NUP107: variants seen among roughly 807,000 people sequenced by gnomAD.
NUP107 encodes nucleoporin 107.
NUP107 carries 101 observed loss-of-function variants against 141.0 expected under a neutral mutation model. The ratio of observed to expected loss-of-function variants is 0.72; its 90% CI spans 0.61 to 0.84. The LOEUF is 0.84. NUP107 is among the 40% of genes least tolerant of loss of function. The pLI, the probability that NUP107 is intolerant of heterozygous loss-of-function variation, is 0.00. For missense variants in NUP107, 941 were observed against 1,102.7 expected (o/e 0.85, Z 2.08); for synonymous variants, 319 against 363.9 (o/e 0.88, Z 1.41).
intron 10 of NUP107, among the ~76,000 whole-genome samples, chr12:68,712,621 T>C (rs533001269): frequency 1.3e-5 from 2 of 151,418 alleles, no homozygotes; most frequent in South Asian, 4.1e-4. Flanking sequence ...AAAATAAGTT[T>C]TTTTTTTTGT....
Position 68,735,228 on chromosome 12 carries a change from C to T in NUP107, c.2389-3C>T. The T allele has an allele frequency of 6.3e-7, 1 of 1,591,140 alleles. No homozygotes were observed. Among genetic ancestry groups the T allele is most frequent in the Non-Finnish European group, 8.6e-7 (1 of 1,159,302 alleles). ...ATATGTCTGCCTTGTGTTTGTTTTG[C>T]AGATGGATTTTGGTATTTGGAAAGG... On this transcript the variant is annotated splice_polypyrimidine_tract_variant and splice_region_variant and intron_variant, in intron 25 of 27. Coordinates refer to ENST00000229179, the MANE Select transcript of NUP107 (RefSeq NM_020401.4).
rs765915820 is a variant in NUP107 at position 68,725,737 on chromosome 12, A to G, written c.1517A>G (p.Glu506Gly). ...AAACTTTTTTTTCAGAGAGTTCTGG[A>G]AGAGAATCAAGAACATTATCATATA... The part of the protein sequence containing the change: ...LQATDKKRVL[E>G]ENQEHYHIVQ... Residue 506 changes from glutamate (E) to glycine (G), a missense_variant, in exon 18 of 28, where the codon GAA becomes GGA. Coordinates refer to ENST00000229179, the MANE Select transcript of NUP107 (RefSeq NM_020401.4). 26 of 1,520,982 alleles carry G rather than the reference A, an allele frequency of 1.7e-5. No individual in the cohort carries two copies. The East Asian group carries it at 4.8e-4, about 28-fold the overall frequency. The allele number at this position is 1,520,982 out of a possible 1,614,324, so 94.2% of individuals were successfully genotyped here.
At chr12:68,697,345 G>A (rs1295429550) in intron 6 of NUP107, among the ~76,000 whole-genome samples, 1 of 152,082 alleles carries the variant, frequency 6.6e-6, no homozygotes, top group Non-Finnish European at 1.5e-5. Context: ...GATTGCATGA[G>A]CCGCAGAGTT....
intron 11 of NUP107, chr12:68,714,175 T>C (rs1319598677): frequency 6.1e-6 from 1 of 163,608 alleles, no homozygotes; most frequent in Non-Finnish European, 1.3e-5. Context: ...GTTAGAACGG[T>C]TATTTGAAAA....
intron 26 of NUP107, among the ~76,000 whole-genome samples, chr12:68,736,717 CTTTTTTTTT>C (rs10713889): frequency 9.4e-6 from 1 of 105,894 alleles, no homozygotes; most frequent in Non-Finnish European, 1.8e-5. Context: ...GTGTCGCCAC[CTTTTTTTTT>C]TTTTTTTTTT....
Position 68,734,830 on chromosome 12 carries a change from T to C in NUP107, c.2385T>C (p.Tyr795=), listed in dbSNP as rs1243702870. 2.5e-6 allele frequency: 4 copies of C among 1,611,504 alleles called. No individual in the cohort carries two copies. The highest frequency in any genetic ancestry group is 2.2e-5 in the South Asian group (2 of 90,382). Residue 795 remains tyrosine, a synonymous_variant, in exon 25 of 28, where the codon TAT becomes TAC. Coordinates refer to ENST00000229179, the MANE Select transcript of NUP107 (RefSeq NM_020401.4). ...KVAHEHKEKK[Y]EMDFGIWKGH... ...CTCATGAACACAAAGAAAAGAAATA[T>C]GAAGTAAGTTAAATATGGATCTAGG...
At position 68,734,685 on chromosome 12, in the gene NUP107, G is replaced by T. The variant is rs765562746; in HGVS notation, c.2263-23G>T. ...GAAAACTTTTGTTATTTTATATTTT[G>T]GTTTTTTTATTTCACATTTTAGGAA... is the stretch of plus-strand genomic sequence containing the variant. On this transcript the variant is annotated intron_variant, in intron 24 of 27. Transcript: ENST00000229179. The T allele has an allele frequency of 6.8e-7, 1 of 1,474,212 alleles. No homozygotes were observed. 91.3% of individuals were successfully genotyped at this position (1,474,212 alleles called of 1,614,324 possible).
intron 5 of NUP107, among the ~76,000 whole-genome samples, chr12:68,693,916 A>AT (rs1342362439): frequency 2.0e-5 from 3 of 151,732 alleles, no homozygotes; most frequent in African/African-American, 7.3e-5. Flanking sequence ...TAATGCTGTT[A>AT]TTTTTTTTCA....
chr12:68,687,463 G>A (rs1000416907), intron 1 of NUP107: 17 of 1,056,804 alleles, frequency 1.6e-5, no homozygotes, highest in Middle Eastern at 4.5e-4. Flanking sequence ...ACAAGTGCCA[G>A]CATCAGATTC....
At chr12:68,712,445 TCAGATTGC>T (rs1393975585) in intron 10 of NUP107, among the ~76,000 whole-genome samples, 2 of 119,034 alleles carry the variant, frequency 1.7e-5, no homozygotes, top group African/African-American at 6.5e-5. Context: ...AAAAAAAAAG[TCAGATTGC>T]CAGATTGCCT....
At chr12:68,689,200 G>A in intron 2 of NUP107, 147 bp downstream of exon 2, 6 of 576,024 alleles carry the variant, frequency 1.0e-5, no homozygotes. Flanking sequence ...CTGTCATTTG[G>A]TAAATATAAT....
rs766345036 is a variant in NUP107, at chr12:68,687,026, C to T, written c.-40C>T. 6 of 1,614,092 alleles carry T rather than the reference C, an allele frequency of 3.7e-6. No homozygotes were observed. Among genetic ancestry groups the T allele is most frequent in the African/African-American group, 2.7e-5 (2 of 75,080 alleles). On this transcript the variant is annotated 5_prime_UTR_variant, in exon 1 of 28. Transcript: ENST00000229179. Reference sequence around the variant, plus strand: ...GGAAGGCTAAAACGCGGTAGCTAAACTGCAGCCAACTTTGGTTGTGTGTGG... The same window carrying T: ...GGAAGGCTAAAACGCGGTAGCTAAATTGCAGCCAACTTTGGTTGTGTGTGG...
intron 8 of NUP107, among the ~76,000 whole-genome samples, chr12:68,704,221 C>A (rs946738126): frequency 1.3e-5 from 2 of 152,104 alleles, no homozygotes; most frequent in Non-Finnish European, 2.9e-5. Context: ...CCTGAAAGGA[C>A]CTTGGGTGGT....
At chr12:68,690,593 C>A (rs758042833) in intron 3 of NUP107, 38 bp from the exon 4 acceptor site, 7 of 1,613,376 alleles carry the variant, frequency 4.3e-6, no homozygotes, top group African/African-American at 1.3e-5. Flanking sequence ...TGAATGCTCA[C>A]GCACTTTAGG....
chr12:68,714,860 A>C (rs1465528030), intron 11 of NUP107, among the ~76,000 whole-genome samples: 1 of 152,226 alleles, frequency 6.6e-6, no homozygotes, highest in Non-Finnish European at 1.5e-5. Context: ...ATCCCAAAAT[A>C]GGTCTTAATA....
At chr12:68,730,260 C>T (rs963582340) in intron 20 of NUP107, among the ~76,000 whole-genome samples, 34 of 128,130 alleles carry the variant, frequency 2.7e-4, no homozygotes, top group Non-Finnish European at 4.2e-4. Context: ...GTCACCCAGG[C>T]CGGAATGTGG....
chr12:68,692,706 C>T (rs1479784325), intron 5 of NUP107, among the ~76,000 whole-genome samples: 1 of 151,596 alleles, frequency 6.6e-6, no homozygotes, highest in Non-Finnish European at 1.5e-5. Context: ...CCTCAGCCTC[C>T]TGAATAGTTG....
intron 5 of NUP107, among the ~76,000 whole-genome samples, chr12:68,695,701 T>C (rs1876019176): frequency 6.6e-6 from 1 of 152,158 alleles, no homozygotes; most frequent in Non-Finnish European, 1.5e-5. Flanking sequence ...ATAGTGGTGA[T>C]GGTAGCACAA....
chr12:68,693,813 T>A (rs1455459444), intron 5 of NUP107, among the ~76,000 whole-genome samples: 1 of 152,200 alleles, frequency 6.6e-6, no homozygotes, highest in Non-Finnish European at 1.5e-5. Flanking sequence ...TATTGTAATT[T>A]TTTTCTTATT....
Sources: allele counts gnomAD v4.1 joint callset (sites outside exome capture counted in the v4.1 genomes callset), GRCh38; gene constraint gnomAD v4.1.1; transcripts MANE v1.5; gene names NCBI Gene and HGNC (gene_info 2026-07-23, HGNC 2026-07-21).